Variants in VDAC2 observed in about 807,000 individuals in gnomAD.
VDAC2 encodes the protein voltage dependent anion channel 2, also known as non-selective voltage-gated ion channel VDAC2.
In VDAC2, 6 loss-of-function variants were observed where a neutral mutation model predicts 36.6. That is an observed-to-expected ratio of 0.16 (90% CI 0.09 to 0.32). The LOEUF (loss-of-function observed/expected upper bound fraction) is 0.32. Among genes scored for constraint, VDAC2 ranks in the 10% least tolerant of loss-of-function variants. VDAC2 has a pLI of 1.00. For missense variants in VDAC2, 247 were observed against 346.0 expected, an observed-to-expected ratio of 0.71 and a Z score of 2.27; for synonymous variants, 109 against 123.8, an observed-to-expected ratio of 0.88 and a Z score of 0.79.
At chr10:75,211,867 G>A (rs1279373047) in intron 2 of VDAC2, among the ~76,000 whole-genome samples, 1 of 152,188 alleles carries the variant, frequency 6.6e-6, no homozygotes, top group African/African-American at 2.4e-5. Context: ...ATCTAATTTA[G>A]TTAAATCAGC....
chr10:75,210,447 G>A (rs1237157167), upstream of VDAC2, among the ~76,000 whole-genome samples: 1 of 152,208 alleles, frequency 6.6e-6, no homozygotes, highest in African/African-American at 2.4e-5. Flanking sequence ...CGTGACCCTG[G>A]TGCGCAGCCG....
chr10:75,215,114 A>G (rs1177852728), intron 4 of VDAC2, among the ~76,000 whole-genome samples: 3 of 151,516 alleles, frequency 2.0e-5, no homozygotes, highest in Admixed American at 6.6e-5. Context: ...ACGTTTTGCC[A>G]TGTTGCCCAG....
Position 75,210,873 on chromosome 10 carries a change from G to A in VDAC2, c.-91G>A, listed in dbSNP as rs1050386. ...GCTGCTGGAGCTGCAGCCCGACCGC[G>A]AGCGTGCCAAGCGGCTTCAGCAGCT... On this transcript the variant is annotated 5_prime_UTR_variant, in exon 1 of 10. Transcript: ENST00000332211. The A allele has an allele frequency of 6.3e-3, 2,267 of 357,666 alleles. 57 individuals are homozygous for A. Among genetic ancestry groups the A allele is most frequent in the African/African-American group, 0.044 (2,066 of 47,152 alleles). The allele number at this position is 357,666 out of a possible 1,614,324, so 22.2% of individuals were successfully genotyped here.
At chr10:75,226,362 A>G (rs975544018) in intron 8 of VDAC2, among the ~76,000 whole-genome samples, 20 of 151,886 alleles carry the variant, frequency 1.3e-4, no homozygotes, top group African/African-American at 4.3e-4. Flanking sequence ...CTAGAGCCGT[A>G]AGAGTGTATT....
intron 8 of VDAC2, among the ~76,000 whole-genome samples, chr10:75,224,515 C>CTG (rs1262020801): frequency 6.6e-6 from 1 of 152,106 alleles, no homozygotes; most frequent in East Asian, 1.9e-4. Context: ...GGAGCCACAA[C>CTG]TGTGCTGTGC....
intron 4 of VDAC2, among the ~76,000 whole-genome samples, chr10:75,216,535 A>G (rs186394106): frequency 6.6e-6 from 1 of 152,326 alleles, no homozygotes; most frequent in East Asian, 1.9e-4. Flanking sequence ...AAGTCCCATT[A>G]ATACCTGGCT....
chr10:75,211,245 A>T, intron 2 of VDAC2, 56 bp downstream of exon 2: 1 of 1,595,912 alleles, frequency 6.3e-7, no homozygotes, highest in South Asian at 1.1e-5. Flanking sequence ...AAGCCTGTCG[A>T]CCAGAAACCC....
At chr10:75,213,911 C>T in intron 3 of VDAC2, 110 bp from the exon 4 acceptor site, 1 of 1,030,070 alleles carries the variant, frequency 9.7e-7, no homozygotes, top group Non-Finnish European at 1.5e-6. Flanking sequence ...ACATTTTTAT[C>T]CACCTCTGAA....
intron 2 of VDAC2, chr10:75,211,393 G>C: frequency 1.4e-6 from 2 of 1,430,810 alleles, no homozygotes; most frequent in Middle Eastern, 2.3e-4. Context: ...CGGGGAGTTG[G>C]TCTGTGGCCG....
intron 4 of VDAC2, among the ~76,000 whole-genome samples, chr10:75,216,450 TG>T (rs1841607840): frequency 6.6e-6 from 1 of 152,252 alleles, no homozygotes; most frequent in Non-Finnish European, 1.5e-5. Flanking sequence ...AGATATAGCA[TG>T]TTTTTATTCA....
chr10:75,217,518 C>T (rs1841642638), intron 4 of VDAC2, among the ~76,000 whole-genome samples: 1 of 152,116 alleles, frequency 6.6e-6, no homozygotes, highest in South Asian at 2.1e-4. Flanking sequence ...GCTGGGATTA[C>T]AGGGATGCAC....
chr10:75,226,661 C>A (rs1332450996), intron 8 of VDAC2, among the ~76,000 whole-genome samples: 1 of 151,958 alleles, frequency 6.6e-6, no homozygotes, highest in Non-Finnish European at 1.5e-5. Context: ...TGAGGTTTCA[C>A]CGTGTTGGCC....
chr10:75,220,544 A>G (rs1038831257), intron 6 of VDAC2, among the ~76,000 whole-genome samples, 199 bp from the exon 7 acceptor site: 1 of 152,222 alleles, frequency 6.6e-6, no homozygotes, highest in Non-Finnish European at 1.5e-5. Context: ...TCTGCAAAGC[A>G]GTTTTCCTAG....
At chr10:75,223,240 A>G (rs1242054202) in intron 8 of VDAC2, among the ~76,000 whole-genome samples, 2 of 152,072 alleles carry the variant, frequency 1.3e-5, no homozygotes, top group Non-Finnish European at 2.9e-5. Flanking sequence ...AGCCTCCCAA[A>G]GTGCTGGGAT....
At chr10:75,220,468 C>T (rs1375271846) in intron 6 of VDAC2, among the ~76,000 whole-genome samples, 2 of 152,202 alleles carry the variant, frequency 1.3e-5, no homozygotes, top group Non-Finnish European at 2.9e-5. Flanking sequence ...ATATTTGCCT[C>T]TTTGTTGTTG....
chr10:75,230,816 A>G, intron 9 of VDAC2, 82 bp from the exon 10 acceptor site: 1 of 1,199,692 alleles, frequency 8.3e-7, no homozygotes, highest in Non-Finnish European at 1.2e-6. Flanking sequence ...GGCTCTGGGG[A>G]TGACTGTGAA....
At chr10:75,228,055 C>G (rs752061956) in intron 8 of VDAC2, among the ~76,000 whole-genome samples, 3 of 151,732 alleles carry the variant, frequency 2.0e-5, no homozygotes, top group Non-Finnish European at 4.4e-5. Context: ...CCACCACGCC[C>G]GGCTAATTTT....
rs771283650 is a variant in VDAC2, at chr10:75,214,048, A to G, written c.128A>G (p.Lys43Arg). The G allele has an allele frequency of 6.2e-7, 1 of 1,613,310 alleles. No homozygotes were observed. The highest frequency in any genetic ancestry group is 1.3e-5 in the African/African-American group (1 of 74,916). Residue 43 changes from lysine to arginine, a missense_variant, in exon 4 of 10, where the codon AAA becomes AGA. By Grantham distance (26) the Lys-to-Arg change is conservative. This residue lies in a region of VDAC2 where 76 missense variants were observed against 76.9 expected (regional missense o/e 0.99). Transcript: ENST00000332211. Reference sequence around the variant, plus strand: ...TTTGGGTTGGTGAAACTGGATGTGAAAACAAAGTCTTGCAGTGGCGTGGTG... The same window carrying G: ...TTTGGGTTGGTGAAACTGGATGTGAGAACAAAGTCTTGCAGTGGCGTGGTG... ...FGFGLVKLDV[K>R]TKSCSGVEFS...
chr10:75,230,279 G>A (rs1183633360), intron 9 of VDAC2, among the ~76,000 whole-genome samples: 1 of 152,066 alleles, frequency 6.6e-6, no homozygotes, highest in Non-Finnish European at 1.5e-5. Context: ...TGGAAGAATG[G>A]TACAATGAAC....
Sources: gnomAD v4.1 joint callset for allele counts (sites outside exome capture counted in the v4.1 genomes callset) on GRCh38, gnomAD v4.1.1 for gene constraint, gnomAD v4.1.1 regional missense constraint, MANE v1.5 for transcripts, NCBI Gene and HGNC (gene_info 2026-07-23, HGNC 2026-07-21) for gene names.